Variants in CIMAP3 observed in about 807,000 individuals in gnomAD.
The protein encoded by CIMAP3 is ciliary microtubule-associated protein 3.
chr1:111,350,261 G>T, the CIMAP3 span: 2 of 1,494,376 alleles, frequency 1.3e-6, no homozygotes, highest in South Asian at 1.1e-5. Context: ...ACTCTTATTC[G>T]ATCTAGTACT....
the CIMAP3 span, chr1:111,351,431 C>T: frequency 4.0e-6 from 4 of 1,008,512 alleles, no homozygotes; most frequent in Non-Finnish European, 5.7e-6. Flanking sequence ...TCTTGTCTGG[C>T]AGCCTGGAGC....
At chr1:111,337,450 C>T in the CIMAP3 span, among the ~76,000 whole-genome samples, 9 of 151,994 alleles carry the variant, frequency 5.9e-5, no homozygotes, top group Non-Finnish European at 1.2e-4. Flanking sequence ...ATTCAGGAAA[C>T]CCATCTCACA....
the CIMAP3 span, chr1:111,351,506 T>G: frequency 2.2e-6 from 1 of 461,532 alleles, no homozygotes; most frequent in Non-Finnish European, 3.8e-6. Context: ...CAGTGCTATC[T>G]CCATCTACTG....
the CIMAP3 span, among the ~76,000 whole-genome samples, chr1:111,327,490 C>CT: frequency 4.6e-5 from 7 of 150,856 alleles, no homozygotes; most frequent in Non-Finnish European, 1.0e-4. Context: ...AGGTCCCAGG[C>CT]TTTTTTTTTA....
the CIMAP3 span, among the ~76,000 whole-genome samples, chr1:111,338,877 C>T: frequency 6.6e-6 from 1 of 152,104 alleles, no homozygotes; most frequent in African/African-American, 2.4e-5. Flanking sequence ...ATCCTGATAC[C>T]AAAGCCTGGC....
the CIMAP3 span, among the ~76,000 whole-genome samples, chr1:111,327,205 G>A: frequency 6.6e-6 from 1 of 151,984 alleles, no homozygotes; most frequent in African/African-American, 2.4e-5. Flanking sequence ...TCTTCTAGTA[G>A]TTTTATAGTT....
At chr1:111,346,714 G>C in the CIMAP3 span, 2 of 1,594,018 alleles carry the variant, frequency 1.3e-6, no homozygotes, top group Non-Finnish European at 8.6e-7. Context: ...GGGCAGGTAG[G>C]GGGAAGGGTG....
At chr1:111,347,919 G>A in the CIMAP3 span, 3 of 608,918 alleles carry the variant, frequency 4.9e-6, no homozygotes, top group Non-Finnish European at 8.8e-6. Context: ...CTATTAAGAA[G>A]CCTATCTGAA....
the CIMAP3 span, among the ~76,000 whole-genome samples, chr1:111,328,614 G>C: frequency 6.6e-6 from 1 of 152,092 alleles, no homozygotes; most frequent in Non-Finnish European, 1.5e-5. Flanking sequence ...GCCCTTCTTT[G>C]TCTTTTTTTA....
At chr1:111,351,529 C>T in the CIMAP3 span, 1 of 405,116 alleles carries the variant, frequency 2.5e-6, no homozygotes, top group Non-Finnish European at 4.4e-6. Context: ...TTGTGGTGTA[C>T]ACGTGCATGT....
At chr1:111,339,713 A>G in the CIMAP3 span, among the ~76,000 whole-genome samples, 1 of 151,940 alleles carries the variant, frequency 6.6e-6, no homozygotes, top group African/African-American at 2.4e-5. Flanking sequence ...AGAGGATACA[A>G]ACAACTGGAA....
At chr1:111,350,200 C>A in the CIMAP3 span, 10 of 1,612,656 alleles carry the variant, frequency 6.2e-6, no homozygotes, top group South Asian at 1.1e-4. Context: ...TCCATGTCTA[C>A]AGAAAAGAAC....
chr1:111,343,510 C>T, the CIMAP3 span, among the ~76,000 whole-genome samples: 6 of 152,230 alleles, frequency 3.9e-5, no homozygotes, highest in Admixed American at 1.3e-4. Context: ...ACTGGCTACA[C>T]TATAAAACTT....
the CIMAP3 span, among the ~76,000 whole-genome samples, chr1:111,340,301 G>A: frequency 5.3e-5 from 8 of 150,486 alleles, no homozygotes; most frequent in African/African-American, 2.0e-4. Flanking sequence ...CATGGGCAAG[G>A]ACTTCATGTC....
the CIMAP3 span, among the ~76,000 whole-genome samples, chr1:111,341,708 G>A: frequency 3.9e-5 from 6 of 152,280 alleles, no homozygotes; most frequent in East Asian, 1.9e-4. Flanking sequence ...TTAATCCCGC[G>A]TAGTCAGGCC....
chr1:111,327,317 C>T, the CIMAP3 span, among the ~76,000 whole-genome samples: 1 of 151,950 alleles, frequency 6.6e-6, no homozygotes, highest in African/African-American at 2.4e-5. Flanking sequence ...ATATCCATCT[C>T]TCCTTGTTGT....
the CIMAP3 span, chr1:111,347,632 T>TTTTTTTGGTG: frequency 1.7e-6 from 2 of 1,199,734 alleles, no homozygotes; most frequent in African/African-American, 1.6e-5. Flanking sequence ...CTTTTTTTTT[T>TTTTTTTGGTG]TTTTTGGTGT....
At chr1:111,350,301 G>T in the CIMAP3 span, 3 of 1,167,028 alleles carry the variant, frequency 2.6e-6, no homozygotes, top group Middle Eastern at 2.0e-4. Flanking sequence ...CTTAATTAGG[G>T]GTCTGTGAAT....
chr1:111,351,330 G>A, the CIMAP3 span: 48 of 1,569,470 alleles, frequency 3.1e-5, no homozygotes, highest in Middle Eastern at 3.4e-4. Flanking sequence ...ATAATTGAGC[G>A]GCTGTAACTA....
Sources: allele counts gnomAD v4.1 joint callset (sites outside exome capture counted in the v4.1 genomes callset), GRCh38; gene constraint gnomAD v4.1.1; transcripts MANE v1.5; gene names NCBI Gene and HGNC (gene_info 2026-07-23, HGNC 2026-07-21).